PCDHGA3: variants seen among roughly 807,000 people sequenced by gnomAD.
PCDHGA3 encodes protocadherin gamma subfamily A, 3, also known as protocadherin gamma-A3.
Under a neutral mutation model 58.5 loss-of-function variants are expected in PCDHGA3, and 40 were observed. The ratio of observed to expected loss-of-function variants is 0.68; its 90% CI spans 0.53 to 0.89. The LOEUF is 0.89. Ranked by LOEUF, PCDHGA3 falls within the 40% of genes least tolerant of loss-of-function variation. PCDHGA3 has a pLI of 0.00. For missense variants in PCDHGA3, 1,223 were observed against 1,195.9 expected (o/e 1.02, Z -0.33); for synonymous variants, 530 against 525.7 (o/e 1.01, Z -0.11).
chr5:141,374,896 A>T (rs1038384205), intron 1 of PCDHGA3: 1 of 1,613,804 alleles, frequency 6.2e-7, no homozygotes, highest in Non-Finnish European at 8.5e-7. Flanking sequence ...ACCAGGATGA[A>T]GGAGTCCACG....
intron 1 of PCDHGA3, chr5:141,428,239 G>T (rs1183885220): frequency 3.0e-6 from 3 of 997,526 alleles, no homozygotes; most frequent in Non-Finnish European, 4.6e-6. Flanking sequence ...CCTGCAGGAG[G>T]CACTGCCAGA....
chr5:141,361,803 T>C, intron 1 of PCDHGA3: 1 of 1,613,164 alleles, frequency 6.2e-7, no homozygotes, highest in Non-Finnish European at 8.5e-7. Flanking sequence ...GCGACCTCAA[T>C]GACAATGCGC....
intron 1 of PCDHGA3, chr5:141,441,260 A>G (rs1217151195): frequency 1.3e-5 from 2 of 152,222 alleles, no homozygotes; most frequent in Non-Finnish European, 2.9e-5. Context: ...AAATCACAAG[A>G]TCTGGATTCG....
chr5:141,509,207 A>C (rs1263006059), intron 3 of PCDHGA3, among the ~76,000 whole-genome samples: 2 of 151,694 alleles, frequency 1.3e-5, no homozygotes, highest in Non-Finnish European at 2.9e-5. Context: ...CTGTCTCTCT[A>C]TTTCTCAATC....
chr5:141,486,803 C>T lies in PCDHGA3; in HGVS notation c.2425-8004C>T. 1 of 1,614,228 alleles carries T rather than the reference C, an allele frequency of 6.2e-7. No homozygotes were observed. Among genetic ancestry groups the T allele is most frequent in the South Asian group, 1.1e-5 (1 of 91,084 alleles). ...GCAGGCCCGGGATCGGGGCAACCCACCCCTTAGCAGCACTGTAACAGTTCG... is the reference window on the plus strand; with the variant it reads ...GCAGGCCCGGGATCGGGGCAACCCATCCCTTAGCAGCACTGTAACAGTTCG... On this transcript the variant is annotated intron_variant, in intron 1 of 3. Coordinates refer to ENST00000253812, the MANE Select transcript of PCDHGA3 (RefSeq NM_018916.4). The surrounding 1 kb of genome is among the most constrained non-coding windows in gnomAD (Gnocchi z 5.0).
chr5:141,419,507 G>A (rs909984738), intron 1 of PCDHGA3: 2 of 1,612,198 alleles, frequency 1.2e-6, no homozygotes, highest in Non-Finnish European at 1.7e-6. Context: ...GAGCCTGCGC[G>A]TGTTGGTGGG....
intron 1 of PCDHGA3, among the ~76,000 whole-genome samples, chr5:141,481,049 C>A (rs1165894624): frequency 1.3e-5 from 2 of 152,096 alleles, no homozygotes; most frequent in Non-Finnish European, 2.9e-5. Context: ...CAGAGCGAGA[C>A]TCCACCTCAA....
chr5:141,351,684 C>A, intron 1 of PCDHGA3: 1 of 1,613,988 alleles, frequency 6.2e-7, no homozygotes, highest in African/African-American at 1.3e-5. Context: ...GCCTCCGACC[C>A]GGATTTGGGA....
In PCDHGA3 at chr5:141,418,848, G is replaced by A. The variant is rs770294020; in HGVS notation, c.2424+72391G>A. 20 of 1,613,836 alleles carry A rather than the reference G, an allele frequency of 1.2e-5. No individual in the cohort carries two copies. Among genetic ancestry groups the A allele is most frequent in the South Asian group, 6.6e-5 (6 of 91,080 alleles). ...AAAGACCGAGGATCTCTCTCAACAC[G>A]GTGTAAAGTAATTGTAGAAGTTGTA... On this transcript the variant is annotated intron_variant, in intron 1 of 3. Coordinates refer to ENST00000253812, the MANE Select transcript of PCDHGA3 (RefSeq NM_018916.4).
chr5:141,381,186 GC>G (rs1489730819), intron 1 of PCDHGA3, among the ~76,000 whole-genome samples: 7 of 152,226 alleles, frequency 4.6e-5, no homozygotes, highest in Non-Finnish European at 7.3e-5. Flanking sequence ...ACGAAGTTAA[GC>G]TTTCTTAGTG....
chr5:141,507,202 C>G (rs2099859138), intron 3 of PCDHGA3: 1 of 152,356 alleles, frequency 6.6e-6, no homozygotes, highest in Non-Finnish European at 1.5e-5. Flanking sequence ...TCTTCCAGAT[C>G]AGGGTTGCCA....
chr5:141,423,531 C>T, intron 1 of PCDHGA3: 1 of 1,613,736 alleles, frequency 6.2e-7, no homozygotes, highest in South Asian at 1.1e-5. Context: ...AGAAGAGTCA[C>T]CTGATTTTCC....
chr5:141,400,092 G>T, intron 1 of PCDHGA3: 1 of 1,614,060 alleles, frequency 6.2e-7, no homozygotes, highest in Non-Finnish European at 8.5e-7. Context: ...CCACCGCCAC[G>T]CTGCACTTGG....
rs530004756 is a variant in PCDHGA3 at position 141,344,711 on chromosome 5, G to A, written c.678G>A (p.Leu226=). Residue 226 remains leucine (L), a synonymous_variant, in exon 1 of 4, where the codon TTG becomes TTA. Coordinates refer to ENST00000253812, the MANE Select transcript of PCDHGA3 (RefSeq NM_018916.4). ...DGGDPVHSGN[L]HIQVIVLDAN... ...GCGACCCTGTCCACTCTGGCAACTT[G>A]CACATCCAAGTGATAGTCCTGGATG... The A allele has an allele frequency of 1.1e-4, 170 of 1,613,938 alleles. No homozygotes were observed. Among genetic ancestry groups the A allele is most frequent in the Non-Finnish European group, 1.4e-4 (160 of 1,179,886 alleles).
chr5:141,496,077 C>G (rs1269618753), intron 2 of PCDHGA3, among the ~76,000 whole-genome samples: 1 of 152,042 alleles, frequency 6.6e-6, no homozygotes, highest in African/African-American at 2.4e-5. Flanking sequence ...CACACACAAC[C>G]CCCCACCCAC....
chr5:141,505,794 G>A (rs1423502957), intron 3 of PCDHGA3, among the ~76,000 whole-genome samples: 1 of 152,142 alleles, frequency 6.6e-6, no homozygotes, highest in East Asian at 1.9e-4. Context: ...CTATCCTTGG[G>A]ACTTGGATCG....
chr5:141,413,889 T>C (rs1394681178), intron 1 of PCDHGA3: 4 of 1,613,392 alleles, frequency 2.5e-6, no homozygotes, highest in Non-Finnish European at 3.4e-6. Flanking sequence ...CTGTCTTCGA[T>C]GCAAATGACA....
chr5:141,500,433 T>C (rs1398344932), intron 2 of PCDHGA3, among the ~76,000 whole-genome samples: 1 of 151,764 alleles, frequency 6.6e-6, no homozygotes, highest in East Asian at 1.9e-4. Context: ...ATGGTCTCGA[T>C]CTCCTGACCT....
intron 1 of PCDHGA3, chr5:141,423,755 G>GGT (rs1554116817): frequency 5.9e-6 from 3 of 512,508 alleles, no homozygotes; most frequent in Non-Finnish European, 7.8e-6. Context: ...CTGTTTGGGG[G>GGT]GGGGGTGGGG....
Sources: allele counts gnomAD v4.1 joint callset (sites outside exome capture counted in the v4.1 genomes callset), GRCh38; gene constraint gnomAD v4.1.1; non-coding constraint Gnocchi (gnomAD v3.1); transcripts MANE v1.5; gene names NCBI Gene and HGNC (gene_info 2026-07-23, HGNC 2026-07-21).